TANC2: variants seen among roughly 807,000 people sequenced by gnomAD.
TANC2 encodes protein TANC2.
A neutral mutation model predicts 210.5 loss-of-function variants in TANC2; 26 were observed. The ratio of observed to expected loss-of-function variants is 0.12; its 90% CI spans 0.09 to 0.17. The LOEUF (loss-of-function observed/expected upper bound fraction) is 0.17. Among genes scored for constraint, TANC2 ranks in the 10% least tolerant of loss-of-function variants. TANC2 has a pLI of 1.00. For missense variants in TANC2, 2,129 were observed against 2,608.9 expected, an observed-to-expected ratio of 0.82 and a Z score of 4.01; for synonymous variants, 931 against 967.1, an observed-to-expected ratio of 0.96 and a Z score of 0.69.
intron 4 of TANC2, among the ~76,000 whole-genome samples, chr17:63,105,201 GGA>G (rs2037779710): frequency 1.3e-5 from 2 of 151,602 alleles, no homozygotes; most frequent in Admixed American, 1.3e-4. Context: ...CTAATCTCTG[GGA>G]TAAAAAATGG....
chr17:63,314,919 G>A (rs538936809), intron 10 of TANC2, among the ~76,000 whole-genome samples: 4 of 152,278 alleles, frequency 2.6e-5, no homozygotes, highest in South Asian at 2.1e-4. Context: ...CTCCGTGCCG[G>A]CTGTGTGGTT....
At chr17:63,294,946 C>T (rs2044489469) in intron 9 of TANC2, among the ~76,000 whole-genome samples, 1 of 152,038 alleles carries the variant, frequency 6.6e-6, no homozygotes, top group Admixed American at 6.6e-5. Context: ...GTGGTTTCTG[C>T]CTTAGAAAAT....
intron 5 of TANC2, among the ~76,000 whole-genome samples, chr17:63,191,216 A>G (rs1023460836): frequency 2.6e-5 from 4 of 151,896 alleles, no homozygotes; most frequent in African/African-American, 9.7e-5. Context: ...CATTTTAAGC[A>G]TATTTTAAAT....
chr17:63,313,736 A>G (rs980414016), intron 9 of TANC2, among the ~76,000 whole-genome samples: 4 of 152,144 alleles, frequency 2.6e-5, no homozygotes, highest in African/African-American at 9.7e-5. Flanking sequence ...CCCTAATAAT[A>G]ATACCTACTA....
At chr17:63,001,219 C>T (rs1437747803) in intron 1 of TANC2, among the ~76,000 whole-genome samples, 1 of 152,094 alleles carries the variant, frequency 6.6e-6, no homozygotes, top group East Asian at 1.9e-4. Context: ...CTAAGTAAGC[C>T]TAGAATATTC....
chr17:63,307,028 C>G (rs2146531865), intron 9 of TANC2, among the ~76,000 whole-genome samples: 1 of 152,260 alleles, frequency 6.6e-6, no homozygotes, highest in Admixed American at 6.5e-5. Flanking sequence ...AGCATTTACG[C>G]TGAAACAAGA....
chr17:63,404,111 A>G (rs183643473), intron 19 of TANC2, among the ~76,000 whole-genome samples: 3 of 152,310 alleles, frequency 2.0e-5, no homozygotes, highest in East Asian at 3.9e-4. Flanking sequence ...TTTTAAGTCA[A>G]TTTGGAAAAA....
intron 4 of TANC2, among the ~76,000 whole-genome samples, chr17:63,119,890 C>G (rs2038396313): frequency 6.6e-6 from 1 of 151,952 alleles, no homozygotes; most frequent in African/African-American, 2.4e-5. Flanking sequence ...CATGATTGCA[C>G]ATGCCTCTGG....
rs149864506 is a variant in TANC2 at position 63,181,501 on chromosome 17, C to T, written c.434-12490C>T. Among the ~76,000 whole-genome samples the T allele has an allele frequency of 1.8e-3, 272 of 152,324 alleles. 1 individual carries two copies. The highest frequency in any genetic ancestry group is 6.8e-3 in the Middle Eastern group (2 of 294). The stretch of plus-strand genomic sequence containing the variant: ...TATTGTCATGCCTACTGAAATGGAA[C>T]ATTTCAACAAGCCAGCAGGGAGAAA... On this transcript the variant is annotated intron_variant, in intron 5 of 27. Coordinates refer to ENST00000689528, the Ensembl canonical transcript of TANC2.
chr17:63,378,485 A>G (rs527588885), intron 14 of TANC2, among the ~76,000 whole-genome samples: 11 of 152,322 alleles, frequency 7.2e-5, no homozygotes, highest in Non-Finnish European at 1.5e-4. Flanking sequence ...AGGGCAGCTA[A>G]TAGGGCTCAA....
chr17:63,238,582 AT>A (rs2042686922), intron 8 of TANC2, among the ~76,000 whole-genome samples: 1 of 152,178 alleles, frequency 6.6e-6, no homozygotes, highest in African/African-American at 2.4e-5. Flanking sequence ...TATCCTGGCT[AT>A]CATTTCATGG....
chr17:63,232,442 G>A (rs928034828), intron 7 of TANC2, among the ~76,000 whole-genome samples: 1 of 152,180 alleles, frequency 6.6e-6, no homozygotes, highest in Non-Finnish European at 1.5e-5. Context: ...GGTTTTTGTG[G>A]GGACATTTTT....
intron 12 of TANC2, among the ~76,000 whole-genome samples, chr17:63,349,817 G>C (rs914583064): frequency 1.3e-5 from 2 of 152,056 alleles, no homozygotes; most frequent in African/African-American, 4.8e-5. Context: ...CTCGTTGTTT[G>C]GGTAAATCCC....
intron 14 of TANC2, among the ~76,000 whole-genome samples, chr17:63,378,175 G>A (rs940216384): frequency 6.6e-6 from 1 of 152,136 alleles, no homozygotes; most frequent in Non-Finnish European, 1.5e-5. Flanking sequence ...CATCTCAAAG[G>A]TGATCTAGTG....
chr17:63,210,509 GCTT>G (rs1412816970), intron 7 of TANC2, among the ~76,000 whole-genome samples: 6 of 151,950 alleles, frequency 3.9e-5, no homozygotes, highest in Admixed American at 1.3e-4. Flanking sequence ...CTTTATGTAA[GCTT>G]CTTAATGTCA....
chr17:63,118,811 G>A lies in TANC2; in HGVS notation c.322+19454G>A, dbSNP rs539380453. 1.2e-4 allele frequency among the ~76,000 whole-genome samples: 16 copies of A among 136,938 alleles called. 1 individual carries two copies. The South Asian group carries it at 2.7e-3, about 23-fold the overall frequency. 89.8% of individuals were successfully genotyped at this position (136,938 alleles called of 152,430 possible). On this transcript the variant is annotated intron_variant, in intron 4 of 27. Transcript: ENST00000689528. ...TTTTTTTTTTTTGAGACAGAGTCTC[G>A]CTCTGTCGCCCAGGCTGGAGTGTAG...
chr17:63,257,105 C>T (rs140179712), intron 8 of TANC2, among the ~76,000 whole-genome samples: 236 of 148,186 alleles, frequency 1.6e-3, no homozygotes, highest in African/African-American at 5.6e-3. Context: ...CATTCAGCCA[C>T]GCTGTGTCTT....
rs149535621 is a variant in TANC2 at position 63,124,487 on chromosome 17, A to G, written c.322+25130A>G. On this transcript the variant is annotated intron_variant, in intron 4 of 27. Coordinates refer to ENST00000689528, the Ensembl canonical transcript of TANC2. ...TCCAAACTCTTAGCTGCAGTGGTCT[A>G]CATTTGGCAAATATTTGTATTCTGT... is the stretch of plus-strand genomic sequence containing the variant. Among the ~76,000 whole-genome samples, 604 of 152,328 alleles carry G rather than the reference A, an allele frequency of 4.0e-3. 8 individuals carry two copies. The highest frequency in any genetic ancestry group is 6.9e-3 in the East Asian group (36 of 5,184).
chr17:63,305,245 A>G lies in TANC2; in HGVS notation c.1160-9143A>G, dbSNP rs78747781. The G allele has an allele frequency of 0.011, 1,750 of 152,390 alleles. 201 individuals are homozygous for G. The East Asian group carries it at 0.28, about 24-fold the overall frequency. The allele number at this position is 152,390 out of a possible 1,614,324, so 9.4% of individuals were successfully genotyped here. ...GGATCTTCCGATCCATGGGTTACAC[A>G]GTTCCGTGGAAAAAACATGTTTTCC... On this transcript the variant is annotated intron_variant, in intron 9 of 27. Transcript: ENST00000689528.
Sources: allele counts gnomAD v4.1 joint callset (sites outside exome capture counted in the v4.1 genomes callset), GRCh38; gene constraint gnomAD v4.1.1; transcripts MANE v1.5; gene names NCBI Gene and HGNC (gene_info 2026-07-23, HGNC 2026-07-21).